MDFIC: variants seen among roughly 807,000 people sequenced by gnomAD.
MDFIC encodes MyoD family inhibitor domain containing, also known as myoD family inhibitor domain-containing protein.
Under a neutral mutation model 23.2 loss-of-function variants are expected in MDFIC, and 17 were observed. The ratio of observed to expected loss-of-function variants is 0.73; its 90% CI spans 0.50 to 1.10. MDFIC has a LOEUF of 1.10. Among genes scored for constraint, MDFIC ranks in the 50% least tolerant of loss-of-function variants. The probability of loss-of-function intolerance (pLI) is 0.00; values close to 1 mark genes in which losing one functional copy is unlikely to be tolerated. For missense variants in MDFIC, 356 were observed against 316.6 expected, an observed-to-expected ratio of 1.12 and a Z score of -0.95; for synonymous variants, 120 against 115.2, an observed-to-expected ratio of 1.04 and a Z score of -0.27.
intron 4 of MDFIC, among the ~76,000 whole-genome samples, chr7:115,003,201 G>A (rs1015887577): frequency 1.3e-5 from 2 of 151,902 alleles, no homozygotes; most frequent in East Asian, 3.9e-4. Context: ...TTCCTTAAAT[G>A]CTTTTGTTAC....
intron 3 of MDFIC, among the ~76,000 whole-genome samples, chr7:114,948,381 G>GGTA (rs1478834442): frequency 1.3e-4 from 20 of 152,114 alleles, no homozygotes; most frequent in Non-Finnish European, 2.5e-4. Flanking sequence ...AAGTTCTTAT[G>GGTA]GTAGTGCTCT....
At chr7:114,965,314 C>A (rs943001606) in intron 3 of MDFIC, among the ~76,000 whole-genome samples, 2 of 152,184 alleles carry the variant, frequency 1.3e-5, no homozygotes, top group African/African-American at 4.8e-5. Flanking sequence ...GAAGAGGCTA[C>A]TGAGTTGTGA....
chr7:114,934,304 T>C (rs1182691973), intron 2 of MDFIC, among the ~76,000 whole-genome samples: 2 of 152,292 alleles, frequency 1.3e-5, no homozygotes, highest in Admixed American at 1.3e-4. Context: ...GTTCCTCATA[T>C]CAGATTGCTG....
chr7:114,945,871 C>T (rs1372018596), intron 3 of MDFIC, among the ~76,000 whole-genome samples: 1 of 151,976 alleles, frequency 6.6e-6, no homozygotes, highest in African/African-American at 2.4e-5. Context: ...GGCTTTTATA[C>T]TCTTAGAACA....
At chr7:114,942,480 C>T in intron 3 of MDFIC, 83 bp downstream of exon 3, 2 of 1,093,412 alleles carry the variant, frequency 1.8e-6, no homozygotes, top group Non-Finnish European at 2.5e-6. Context: ...CCAGATAATT[C>T]TGCTACAAAT....
At chr7:114,933,689 C>T (rs776156789) in intron 2 of MDFIC, among the ~76,000 whole-genome samples, 3 of 152,110 alleles carry the variant, frequency 2.0e-5, no homozygotes, top group Non-Finnish European at 4.4e-5. Context: ...AAGGCTATTG[C>T]GTCTATAAGA....
Position 114,994,310 on chromosome 7 carries a change from C to T in MDFIC, c.493+14529C>T, listed in dbSNP as rs559655352. On this transcript the variant is annotated intron_variant, in intron 4 of 4. Coordinates refer to ENST00000393486, the MANE Select transcript of MDFIC (RefSeq NM_001166345.3). ...GGTCTTGACTCTTTATCCAATTTGC[C>T]AGTCCGTGTCTTTTAATTGGAGCAT... Among the ~76,000 whole-genome samples the T allele has an allele frequency of 1.2e-3, 185 of 151,724 alleles. 1 individual carries two copies. Among genetic ancestry groups the T allele is most frequent in the African/African-American group, 4.3e-3 (177 of 41,496 alleles).
At chr7:114,929,088 T>TATCTATCTATCTATCTA (rs751770128) in intron 2 of MDFIC, among the ~76,000 whole-genome samples, 2,898 of 151,222 alleles carry the variant, frequency 0.019, 129 homozygotes, top group East Asian at 0.17. Flanking sequence ...AATATAGATC[T>TATCTATCTATCTATCTA]ATCTATCTAT....
At chr7:114,927,074 G>A (rs1792206758) in intron 2 of MDFIC, among the ~76,000 whole-genome samples, 1 of 152,114 alleles carries the variant, frequency 6.6e-6, no homozygotes, top group Non-Finnish European at 1.5e-5. Flanking sequence ...ATTTTGTAAT[G>A]CATAGGATAG....
chr7:114,978,457 C>G (rs1390313516), intron 3 of MDFIC, among the ~76,000 whole-genome samples: 1 of 151,950 alleles, frequency 6.6e-6, no homozygotes, highest in Non-Finnish European at 1.5e-5. Context: ...GCCATAAAAC[C>G]TCTGCCCATT....
At chr7:114,991,108 A>T (rs1482643167) in intron 4 of MDFIC, among the ~76,000 whole-genome samples, 1 of 152,128 alleles carries the variant, frequency 6.6e-6, no homozygotes, top group Non-Finnish European at 1.5e-5. Context: ...AGTGATGATG[A>T]GCATTTTTTC....
chr7:114,971,767 G>A (rs1442813240), intron 3 of MDFIC, among the ~76,000 whole-genome samples: 1 of 151,976 alleles, frequency 6.6e-6, no homozygotes, highest in East Asian at 1.9e-4. Context: ...ATCTGGGGAT[G>A]TTTTAGTAAT....
chr7:114,972,863 C>T (rs1003784333), intron 3 of MDFIC, among the ~76,000 whole-genome samples: 9 of 152,062 alleles, frequency 5.9e-5, no homozygotes, highest in South Asian at 2.1e-4. Context: ...AGTGATCCTC[C>T]GACCTCAGCC....
rs1792116344 is a variant in MDFIC at position 114,922,967 on chromosome 7, C to G, written c.-67C>G. 2 of 1,557,728 alleles carry G rather than the reference C, an allele frequency of 1.3e-6. No homozygotes were observed. The highest frequency in any genetic ancestry group is 1.7e-6 in the Non-Finnish European group (2 of 1,153,948). On this transcript the variant is annotated 5_prime_UTR_variant, in exon 2 of 5. Transcript: ENST00000393486. ...TGCACCCAGCACCTCACAGCCCTTC[C>G]TCCGTGCGCCCTGCCGGGCGGCGAG...
chr7:114,925,957 G>T (rs907677327), intron 2 of MDFIC, among the ~76,000 whole-genome samples: 1 of 152,120 alleles, frequency 6.6e-6, no homozygotes, highest in Non-Finnish European at 1.5e-5. Context: ...GTGAAATATT[G>T]ATTTACTTTC....
At chr7:114,962,739 C>T (rs563258124) in intron 3 of MDFIC, among the ~76,000 whole-genome samples, 10 of 152,154 alleles carry the variant, frequency 6.6e-5, no homozygotes, top group Non-Finnish European at 1.2e-4. Flanking sequence ...ACCAGATTTA[C>T]GAAATTAGAC....
chr7:114,952,722 C>T (rs752126603), intron 3 of MDFIC, among the ~76,000 whole-genome samples: 16 of 152,130 alleles, frequency 1.1e-4, no homozygotes, highest in Non-Finnish European at 1.6e-4. Flanking sequence ...AAAAAAGATT[C>T]CCACCATCTC....
chr7:114,959,908 G>A (rs139480074), intron 3 of MDFIC, among the ~76,000 whole-genome samples: 172 of 151,968 alleles, frequency 1.1e-3, no homozygotes, highest in African/African-American at 4.0e-3. Flanking sequence ...TACCTTTCTC[G>A]TCAGCCACTT....
intron 4 of MDFIC, among the ~76,000 whole-genome samples, chr7:114,980,407 C>A (rs1164386148): frequency 6.6e-6 from 1 of 152,162 alleles, no homozygotes; most frequent in Non-Finnish European, 1.5e-5. Flanking sequence ...TCTCTGTCCC[C>A]TGGAGAACTA....
Sources: allele counts gnomAD v4.1 joint callset (sites outside exome capture counted in the v4.1 genomes callset), GRCh38; gene constraint gnomAD v4.1.1; transcripts MANE v1.5; gene names NCBI Gene and HGNC (gene_info 2026-07-23, HGNC 2026-07-21).